The following FRMD5 variants were observed in gnomAD, a reference collection of about 807,000 sequenced individuals.
The protein encoded by FRMD5 is FERM domain-containing protein 5.
A neutral mutation model predicts 69.0 loss-of-function variants in FRMD5; 20 were observed. The ratio of observed to expected loss-of-function variants is 0.29; its 90% CI spans 0.20 to 0.42. The LOEUF (loss-of-function observed/expected upper bound fraction) is 0.42, where lower values mean the gene tolerates loss of function less well. Ranked by LOEUF, FRMD5 falls within the 10% of genes least tolerant of loss-of-function variation. The pLI is 1.00. For synonymous variants in FRMD5, 271 were observed against 260.1 expected (o/e 1.04, Z -0.40); for missense variants, 595 against 708.6 (o/e 0.84, Z 1.82).
intron 4 of FRMD5, among the ~76,000 whole-genome samples, chr15:43,913,008 G>C (rs1215979772): frequency 6.6e-6 from 1 of 151,134 alleles, no homozygotes; most frequent in Non-Finnish European, 1.5e-5. Context: ...ACTTCAGCCT[G>C]GCTGACGAGA....
intron 7 of FRMD5, among the ~76,000 whole-genome samples, chr15:43,893,670 G>A (rs2088848612): frequency 6.6e-6 from 1 of 152,200 alleles, no homozygotes; most frequent in Non-Finnish European, 1.5e-5. Flanking sequence ...TGGAGTTAGG[G>A]CCAGACACCG....
intron 1 of FRMD5, among the ~76,000 whole-genome samples, chr15:43,957,686 A>C (rs1044514407): frequency 1.3e-5 from 2 of 152,244 alleles, no homozygotes; most frequent in African/African-American, 4.8e-5. Context: ...AAACTAAAGT[A>C]ACACTCCAGT....
intron 1 of FRMD5, among the ~76,000 whole-genome samples, chr15:44,005,443 C>A (rs1378237601): frequency 5.6e-5 from 7 of 124,796 alleles, no homozygotes; most frequent in Admixed American, 1.1e-4. Flanking sequence ...TGCACTCCAG[C>A]CTGGGCAAAA....
At chr15:44,191,938 A>ATATATATATATC (rs2078203726) in intron 1 of FRMD5, among the ~76,000 whole-genome samples, 10 of 125,880 alleles carry the variant, frequency 7.9e-5, no homozygotes, top group African/African-American at 3.0e-4. Flanking sequence ...ATATATATAT[A>ATATATATATATC]TATGTATCTC....
intron 13 of FRMD5, chr15:43,879,371 T>G (rs2088459954): frequency 2.5e-6 from 1 of 397,230 alleles, no homozygotes; most frequent in African/African-American, 2.1e-5. Flanking sequence ...AGAAACTGTT[T>G]TCACTGCTGT....
chr15:44,000,613 C>T (rs1016353361), intron 1 of FRMD5, among the ~76,000 whole-genome samples: 2 of 152,060 alleles, frequency 1.3e-5, no homozygotes, highest in African/African-American at 4.8e-5. Flanking sequence ...GCAAGTGCCA[C>T]CACACCCAGC....
At chr15:43,936,262 C>T (rs1283710478) in intron 1 of FRMD5, among the ~76,000 whole-genome samples, 1 of 152,168 alleles carries the variant, frequency 6.6e-6, no homozygotes, top group East Asian at 1.9e-4. Context: ...GCACAATCAC[C>T]GCTCACTGTA....
intron 1 of FRMD5, among the ~76,000 whole-genome samples, chr15:44,049,260 G>A (rs1892558042): frequency 6.6e-6 from 1 of 152,156 alleles, no homozygotes; most frequent in Non-Finnish European, 1.5e-5. Context: ...CCACTCATTT[G>A]ACTGAGTTTT....
chr15:44,075,657 G>C (rs891185217), intron 1 of FRMD5, among the ~76,000 whole-genome samples: 4 of 152,090 alleles, frequency 2.6e-5, no homozygotes, highest in Non-Finnish European at 1.5e-5. Flanking sequence ...ATTCAGAGTT[G>C]CCTCCCCTGC....
chr15:43,883,630 A>C (rs1305053495), intron 13 of FRMD5, 73 bp downstream of exon 13: 1 of 1,065,626 alleles, frequency 9.4e-7, no homozygotes, highest in Non-Finnish European at 1.4e-6. Context: ...ACTAATGCAA[A>C]TTAGCCTCTT....
intron 1 of FRMD5, among the ~76,000 whole-genome samples, chr15:44,011,904 C>T (rs1433433190): frequency 1.3e-5 from 2 of 152,098 alleles, no homozygotes; most frequent in Non-Finnish European, 2.9e-5. Context: ...CATCGAGGAG[C>T]ATTTTTCACT....
intron 1 of FRMD5, among the ~76,000 whole-genome samples, chr15:44,007,143 C>G (rs569242291): frequency 6.6e-6 from 1 of 152,270 alleles, no homozygotes; most frequent in African/African-American, 2.4e-5. Context: ...AAGATTTTAA[C>G]TTGCTGAAGG....
intron 1 of FRMD5, among the ~76,000 whole-genome samples, chr15:44,084,142 A>T (rs1566937516): frequency 6.6e-6 from 1 of 152,094 alleles, no homozygotes; most frequent in Non-Finnish European, 1.5e-5. Flanking sequence ...TAACCTCTGT[A>T]TCTGAATGTC....
At chr15:44,168,443 G>A (rs2077745755) in intron 1 of FRMD5, among the ~76,000 whole-genome samples, 1 of 152,148 alleles carries the variant, frequency 6.6e-6, no homozygotes, top group African/African-American at 2.4e-5. Flanking sequence ...ATATAGACTT[G>A]CTCAGTGCCA....
intron 1 of FRMD5, among the ~76,000 whole-genome samples, chr15:44,054,885 C>T (rs563721410): frequency 1.3e-5 from 2 of 152,094 alleles, no homozygotes; most frequent in East Asian, 3.9e-4. Flanking sequence ...GCCTGATCAA[C>T]ATGGTGAAAC....
intron 1 of FRMD5, among the ~76,000 whole-genome samples, chr15:44,142,842 G>A (rs762093928): frequency 6.6e-6 from 1 of 152,168 alleles, no homozygotes; most frequent in Non-Finnish European, 1.5e-5. Flanking sequence ...TGTAATCCCA[G>A]CACTTTGGGA....
intron 7 of FRMD5, among the ~76,000 whole-genome samples, chr15:43,899,737 T>C (rs556385667): frequency 6.6e-6 from 1 of 152,184 alleles, no homozygotes; most frequent in Non-Finnish European, 1.5e-5. Flanking sequence ...CTGGTATGAA[T>C]GCTGGTTCCT....
chr15:43,890,050 C>T (rs891099244), intron 8 of FRMD5, among the ~76,000 whole-genome samples: 2 of 152,194 alleles, frequency 1.3e-5, no homozygotes, highest in African/African-American at 4.8e-5. Flanking sequence ...GATGAGATTT[C>T]ACAACTTCTG....
At chr15:44,034,131 A>G (rs947740069) in intron 1 of FRMD5, among the ~76,000 whole-genome samples, 1 of 152,162 alleles carries the variant, frequency 6.6e-6, no homozygotes, top group African/African-American at 2.4e-5. Flanking sequence ...TTCCTTGGCA[A>G]TAGTCTGGGC....
Sources: allele counts gnomAD v4.1 joint callset (sites outside exome capture counted in the v4.1 genomes callset), GRCh38; gene constraint gnomAD v4.1.1; transcripts MANE v1.5; gene names NCBI Gene and HGNC (gene_info 2026-07-23, HGNC 2026-07-21).